Variants in RNF182 observed in about 807,000 individuals in gnomAD.
RNF182 encodes the protein E3 ubiquitin-protein ligase RNF182.
RNF182 carries 15 observed loss-of-function variants against 14.4 expected under a neutral mutation model. That is an observed-to-expected ratio of 1.04 (90% CI 0.70 to 1.60). The LOEUF is 1.60. Ranked by LOEUF, RNF182 falls within the 40% of genes most tolerant of loss-of-function variation. The pLI, the probability that RNF182 is intolerant of heterozygous loss-of-function variation, is 0.00. For synonymous variants in RNF182, 128 were observed against 122.9 expected (o/e 1.04, Z -0.27); for missense variants, 268 against 294.8 (o/e 0.91, Z 0.67).
At chr6:13,941,962 C>G (rs1026980491) in intron 1 of RNF182, among the ~76,000 whole-genome samples, 1 of 151,884 alleles carries the variant, frequency 6.6e-6, no homozygotes, top group African/African-American at 2.4e-5. Context: ...TCTGTGTTTC[C>G]CTTTGGGATT....
chr6:13,950,321 C>G (rs1001924706), intron 1 of RNF182, among the ~76,000 whole-genome samples: 27 of 152,058 alleles, frequency 1.8e-4, no homozygotes, highest in African/African-American at 6.0e-4. Context: ...AAGGCCTTAC[C>G]TGGAATTCGC....
intron 1 of RNF182, among the ~76,000 whole-genome samples, chr6:13,965,954 G>A (rs1481167704): frequency 6.6e-6 from 1 of 152,220 alleles, no homozygotes; most frequent in Non-Finnish European, 1.5e-5. Context: ...ATCTGGTGTG[G>A]TGATCTGGTG....
Position 13,978,577 on chromosome 6 carries a change from C to CA in RNF182, c.*715dup, listed in dbSNP as rs1297748774. Reference sequence around the variant, plus strand: ...CTCCATGTCTGTTTTCCTCTCTCCTCAGTCTTATCTGAGAAGAATGGAGGA... The same window carrying CA: ...CTCCATGTCTGTTTTCCTCTCTCCTCAAGTCTTATCTGAGAAGAATGGAGGA... On this transcript the variant is annotated 3_prime_UTR_variant, in exon 3 of 3. Transcript: ENST00000488300. 1 of 162,904 alleles carries CA rather than the reference C, an allele frequency of 6.1e-6. No individual in the cohort carries two copies. The highest frequency in any genetic ancestry group is 2.4e-5 in the African/African-American group (1 of 40,840). 10.1% of individuals were successfully genotyped at this position (162,904 alleles called of 1,614,324 possible).
chr6:13,945,233 A>T (rs1406208597), intron 1 of RNF182, among the ~76,000 whole-genome samples: 1 of 152,246 alleles, frequency 6.6e-6, no homozygotes, highest in Non-Finnish European at 1.5e-5. Context: ...TCAAGATCTC[A>T]GAGTCTGTAC....
chr6:13,950,027 T>C (rs1262357344), intron 1 of RNF182, among the ~76,000 whole-genome samples: 1 of 152,248 alleles, frequency 6.6e-6, no homozygotes, highest in Admixed American at 6.5e-5. Flanking sequence ...TAACTTAAAA[T>C]AATTATTCAG....
intron 1 of RNF182, among the ~76,000 whole-genome samples, chr6:13,926,515 A>T (rs9382688): frequency 0.3 from 46,374 of 152,108 alleles, 7,715 homozygotes; most frequent in East Asian, 0.57. Context: ...TTTGCAGGTT[A>T]TTTCACAATT....
chr6:13,942,353 TTTTTTTGAGACAAAATC>T (rs1474191580), intron 1 of RNF182, among the ~76,000 whole-genome samples: 1 of 152,118 alleles, frequency 6.6e-6, no homozygotes, highest in East Asian at 1.9e-4. Flanking sequence ...TAAAAAAAAT[TTTTTTTGAGACAAAATC>T]TTGCTCTGTG....
rs145658401 is a variant in RNF182, at chr6:13,977,643, C to T, written c.524C>T (p.Ser175Phe). Residue 175 changes from serine (S) to phenylalanine (F), a missense_variant, in exon 3 of 3, where the codon TCC becomes TTC. Ser to Phe is a radical substitution (Grantham distance 155). Transcript: ENST00000488300. ...SHNWTVWNCT[S>F]LLFQTSIRVL... ...AACTGGACTGTGTGGAACTGCACGT[C>T]CCTGCTGTTTCAGACATCCATCCGG... The T allele has an allele frequency of 5.2e-4, 842 of 1,614,196 alleles. 9 individuals are homozygous for T. Among genetic ancestry groups the T allele is most frequent in the Non-Finnish European group, 5.6e-5 (66 of 1,180,018 alleles).
At chr6:13,947,291 T>G (rs1008381899) in intron 1 of RNF182, among the ~76,000 whole-genome samples, 5 of 152,232 alleles carry the variant, frequency 3.3e-5, no homozygotes, top group African/African-American at 1.2e-4. Flanking sequence ...GACTAGAGTC[T>G]GGTAACAGGT....
intron 1 of RNF182, among the ~76,000 whole-genome samples, chr6:13,947,181 C>T (rs575230773): frequency 6.6e-6 from 1 of 152,220 alleles, no homozygotes; most frequent in South Asian, 2.1e-4. Context: ...TTAATCATGC[C>T]TCATGTTTCT....
intron 1 of RNF182, among the ~76,000 whole-genome samples, chr6:13,951,417 G>C (rs543201374): frequency 6.6e-6 from 1 of 152,330 alleles, no homozygotes; most frequent in African/African-American, 2.4e-5. Flanking sequence ...CCCTATGGGA[G>C]TCTTATCTCT....
rs1052408358 is a variant in RNF182 at position 13,924,981 on chromosome 6, C to A, written c.-409C>A. 1.3e-4 allele frequency: 2 copies of A among 15,104 alleles called. No homozygotes were observed. The highest frequency in any genetic ancestry group is 3.4e-4 in the African/African-American group (1 of 2,902). The allele number at this position is 15,104 out of a possible 1,614,324, so 0.9% of individuals were successfully genotyped here. A position where few individuals can be genotyped will look rare whatever the true frequency, so the allele number is the denominator to read the frequency against. On this transcript the variant is annotated 5_prime_UTR_variant, in exon 1 of 3. Coordinates refer to ENST00000488300, the MANE Select transcript of RNF182 (RefSeq NM_152737.4). ...ACCTCCCTCCCCTCCCAGGCGCCGC[C>A]GCAGCCGGAGCGGCTCCCGGGCCCT... is the stretch of plus-strand genomic sequence containing the variant.
chr6:13,964,768 T>C lies in RNF182; in HGVS notation c.-366-9442T>C, dbSNP rs1759975193. 4.6e-5 allele frequency among the ~76,000 whole-genome samples: 7 copies of C among 152,288 alleles called. No individual in the cohort carries two copies. In the South Asian group the frequency reaches 1.4e-3, roughly 32 times the overall value. ...TTGACCTACAGAGGGTGGGGACTCC[T>C]GGGAGGAAAACTGAAACTCACCCTC... On this transcript the variant is annotated intron_variant, in intron 1 of 2. Transcript: ENST00000488300.
At chr6:13,949,515 GA>G in intron 1 of RNF182, 1 of 541,916 alleles carries the variant, frequency 1.8e-6, no homozygotes. Flanking sequence ...ACACTTGCAA[GA>G]AAAAAGCAAT....
chr6:13,937,371 G>A (rs1275602839), intron 1 of RNF182, among the ~76,000 whole-genome samples: 1 of 152,168 alleles, frequency 6.6e-6, no homozygotes, highest in Non-Finnish European at 1.5e-5. Context: ...TAACACTGTT[G>A]ATTAGTTTTG....
At chr6:13,960,012 T>C (rs180899203) in intron 1 of RNF182, among the ~76,000 whole-genome samples, 1 of 152,210 alleles carries the variant, frequency 6.6e-6, no homozygotes, top group Non-Finnish European at 1.5e-5. Context: ...GAAGAGGAGC[T>C]GGCAGAAAAG....
At chr6:13,955,343 A>G (rs1220227406) in intron 1 of RNF182, among the ~76,000 whole-genome samples, 1 of 152,228 alleles carries the variant, frequency 6.6e-6, no homozygotes, top group Non-Finnish European at 1.5e-5. Flanking sequence ...CCTTCTATAA[A>G]AAGAATTTTA....
At position 13,944,691 on chromosome 6, in the gene RNF182, T is replaced by C. The variant is rs545558905; in HGVS notation, c.-367+19668T>C. 3.3e-5 allele frequency among the ~76,000 whole-genome samples: 5 copies of C among 152,314 alleles called. No individual in the cohort carries two copies. The South Asian group carries it at 1.0e-3, about 32-fold the overall frequency. ...TAGTTAACCAGGTGTGCTATATCTG[T>C]TATTTGTACTTAATCCTTTCAATAC... On this transcript the variant is annotated intron_variant, in intron 1 of 2. Coordinates refer to ENST00000488300, the MANE Select transcript of RNF182 (RefSeq NM_152737.4).
At chr6:13,971,349 C>T (rs1760173583) in intron 1 of RNF182, among the ~76,000 whole-genome samples, 1 of 152,148 alleles carries the variant, frequency 6.6e-6, no homozygotes, top group African/African-American at 2.4e-5. Flanking sequence ...TGTGCCTTTG[C>T]TCCTTTTTCG....
Sources: gnomAD v4.1 joint callset for allele counts (sites outside exome capture counted in the v4.1 genomes callset) on GRCh38, gnomAD v4.1.1 for gene constraint, MANE v1.5 for transcripts, NCBI Gene and HGNC (gene_info 2026-07-23, HGNC 2026-07-21) for gene names.